FAM117B: variants seen among roughly 807,000 people sequenced by gnomAD.
The protein encoded by FAM117B is family with sequence similarity 117 member B.
Under a neutral mutation model 52.8 loss-of-function variants are expected in FAM117B, and 22 were observed. The observed-to-expected ratio is 0.42, with a 90% CI of 0.30 to 0.59. The LOEUF (loss-of-function observed/expected upper bound fraction) is 0.59. Among genes scored for constraint, FAM117B ranks in the 20% least tolerant of loss-of-function variants. The pLI is 0.22. For missense variants in FAM117B, 678 were observed against 802.6 expected, an observed-to-expected ratio of 0.84 and a Z score of 1.88; for synonymous variants, 309 against 324.1, an observed-to-expected ratio of 0.95 and a Z score of 0.50.
At position 202,644,061 on chromosome 2, in the gene FAM117B, TTTG is replaced by T. The variant is rs1395244339; in HGVS notation, c.601+8276_601+8278del. Among the ~76,000 whole-genome samples the T allele has an allele frequency of 1.1e-4, 15 of 134,530 alleles. 2 individuals carry two copies. The highest frequency in any genetic ancestry group is 4.6e-4 in the South Asian group (2 of 4,350). The allele number at this position is 134,530 out of a possible 152,430, so 88.3% of individuals were successfully genotyped here. On this transcript the variant is annotated intron_variant, in intron 1 of 7. Transcript: ENST00000392238. ...CTACTGCTTTAGGAGCTGTTTTTTT[TTTG>T]TTTTTTTTTTTTTTTTTTTTCAGTT...
At chr2:202,666,109 G>A (rs573430962) in intron 1 of FAM117B, among the ~76,000 whole-genome samples, 2 of 152,256 alleles carry the variant, frequency 1.3e-5, no homozygotes, top group South Asian at 4.1e-4. Context: ...ATTTGTGTCT[G>A]CATAGTTTGC....
chr2:202,757,994 A>T (rs1427598167), intron 6 of FAM117B, among the ~76,000 whole-genome samples: 2 of 152,250 alleles, frequency 1.3e-5, no homozygotes, highest in Non-Finnish European at 2.9e-5. Flanking sequence ...AATGTTAATT[A>T]CAAATATTCT....
In FAM117B at chr2:202,766,986, C is replaced by T. The variant is rs1373092923; in HGVS notation, c.*1222C>T. The T allele has an allele frequency of 1.3e-5, 2 of 152,494 alleles. No individual in the cohort carries two copies. Among genetic ancestry groups the T allele is most frequent in the African/African-American group, 2.4e-5 (1 of 41,378 alleles). 9.4% of individuals were successfully genotyped at this position (152,494 alleles called of 1,614,324 possible). The stretch of plus-strand genomic sequence containing the variant: ...AGATTTTGCTAATTTACCCCCCTAA[C>T]GCTTCACATAGTGGGGAAAATACAC... On this transcript the variant is annotated 3_prime_UTR_variant, in exon 8 of 8. Transcript: ENST00000392238.
At chr2:202,666,880 C>CG (rs1043547540) in intron 1 of FAM117B, among the ~76,000 whole-genome samples, 1 of 151,722 alleles carries the variant, frequency 6.6e-6, no homozygotes, top group Non-Finnish European at 1.5e-5. Flanking sequence ...CTCCTGACCT[C>CG]GTGATCCACC....
chr2:202,693,101 T>G (rs1227995299), intron 1 of FAM117B, among the ~76,000 whole-genome samples: 1 of 152,226 alleles, frequency 6.6e-6, no homozygotes, highest in Admixed American at 6.5e-5. Flanking sequence ...TCCCAAAATC[T>G]AATATAGATA....
rs541345419 is a variant in FAM117B, at chr2:202,765,581, C to G, written c.1587C>G (p.Leu529=). ...KPLLPTPDLT[L]KGSGHSLTVT... is the part of the protein sequence containing the mutation. ...TCCTTCCTACCCCGGATCTTACACT[C>G]AAGGGCTCTGGCCACAGCCTGACAG... The change falls in exon 8 of 8, where the codon CTC becomes CTG. Residue 529 remains leucine, a synonymous_variant. Coordinates refer to ENST00000392238, the MANE Select transcript of FAM117B (RefSeq NM_173511.4). 12 of 1,614,146 alleles carry G rather than the reference C, an allele frequency of 7.4e-6. No homozygotes were observed. Among genetic ancestry groups the G allele is most frequent in the Middle Eastern group, 1.6e-4 (1 of 6,062 alleles).
At chr2:202,728,507 C>G (rs994260318) in intron 4 of FAM117B, among the ~76,000 whole-genome samples, 3 of 152,188 alleles carry the variant, frequency 2.0e-5, no homozygotes, top group Non-Finnish European at 1.5e-5. Context: ...GTCTCACTCT[C>G]AAGAGGCTGA....
At chr2:202,753,648 G>A (rs528715422) in intron 4 of FAM117B, among the ~76,000 whole-genome samples, 3 of 151,242 alleles carry the variant, frequency 2.0e-5, no homozygotes, top group South Asian at 2.1e-4. Flanking sequence ...AATTTACAAG[G>A]AACTTAAACA....
At chr2:202,700,801 C>G (rs140761320) in intron 2 of FAM117B, among the ~76,000 whole-genome samples, 2 of 152,116 alleles carry the variant, frequency 1.3e-5, no homozygotes, top group Non-Finnish European at 2.9e-5. Flanking sequence ...TCAATCAGTC[C>G]TCTTGCCTCA....
intron 2 of FAM117B, among the ~76,000 whole-genome samples, chr2:202,707,000 C>T (rs1384211889): frequency 6.6e-6 from 1 of 152,112 alleles, no homozygotes; most frequent in African/African-American, 2.4e-5. Flanking sequence ...CATGTTAGAT[C>T]AAATTTCTCT....
intron 4 of FAM117B, among the ~76,000 whole-genome samples, 186 bp from the exon 5 acceptor site, chr2:202,755,352 G>T (rs762857697): frequency 5.3e-5 from 8 of 152,180 alleles, no homozygotes; most frequent in Non-Finnish European, 7.3e-5. Flanking sequence ...TACCTTCATT[G>T]TGTGGGATTT....
rs1268547485 is a variant in FAM117B at position 202,640,318 on chromosome 2, A to G, written c.601+4530A>G. ...AAAATATATATATATATATATATAT[A>G]TATATATATATATATATATATATAT... On this transcript the variant is annotated intron_variant, in intron 1 of 7. Transcript: ENST00000392238. 5.3e-4 allele frequency among the ~76,000 whole-genome samples: 59 copies of G among 112,142 alleles called. 2 individuals carry two copies. The highest frequency in any genetic ancestry group is 2.1e-3 in the African/African-American group (55 of 26,544). 73.6% of individuals were successfully genotyped at this position (112,142 alleles called of 152,430 possible).
chr2:202,676,563 A>G (rs1690382235), intron 1 of FAM117B, among the ~76,000 whole-genome samples: 1 of 151,962 alleles, frequency 6.6e-6, no homozygotes, highest in South Asian at 2.1e-4. Flanking sequence ...TGTTTTTAGT[A>G]GAGACGGGGT....
At chr2:202,740,359 CAAAAAAAAAAA>C (rs769846441) in intron 4 of FAM117B, among the ~76,000 whole-genome samples, 108 of 65,568 alleles carry the variant, frequency 1.6e-3, no homozygotes, top group Admixed American at 4.0e-3. Context: ...GACTCTGCCT[CAAAAAAAAAAA>C]AAAAAAAAAA....
rs912135139 is a variant in FAM117B, at chr2:202,759,432, T to TA, written c.1451+80dup. The TA allele has an allele frequency of 3.2e-6, 5 of 1,540,598 alleles. No homozygotes were observed. In the African/African-American group the frequency reaches 6.9e-5, roughly 21 times the overall value. On this transcript the variant is annotated intron_variant, in intron 7 of 7. Coordinates refer to ENST00000392238, the MANE Select transcript of FAM117B (RefSeq NM_173511.4). ...TGAGATAGGATCTCACTCTGTCATC[T>TA]AGGCTGGACTGCACTGATGCAGTCA...
Position 202,650,523 on chromosome 2 carries a change from A to G in FAM117B, c.601+14735A>G, listed in dbSNP as rs540384202. Among the ~76,000 whole-genome samples the G allele has an allele frequency of 1.5e-4, 23 of 152,310 alleles. No homozygotes were observed. In the South Asian group the frequency reaches 4.8e-3, roughly 32 times the overall value. On this transcript the variant is annotated intron_variant, in intron 1 of 7. Transcript: ENST00000392238. ...GAACTAATAGGATAGATGTATATAT[A>G]AAGGGGAGTTTATTAAGGAGTATTG...
At chr2:202,650,822 C>G (rs1689944282) in intron 1 of FAM117B, among the ~76,000 whole-genome samples, 1 of 152,144 alleles carries the variant, frequency 6.6e-6, no homozygotes, top group Admixed American at 6.5e-5. Context: ...CTTCCAAGAT[C>G]TTCTCCTGCC....
At chr2:202,685,708 G>A (rs1471806243) in intron 1 of FAM117B, among the ~76,000 whole-genome samples, 1 of 152,170 alleles carries the variant, frequency 6.6e-6, no homozygotes. Context: ...TCCACAAACA[G>A]TTTTGGAGCA....
At chr2:202,646,929 G>A (rs906811076) in intron 1 of FAM117B, among the ~76,000 whole-genome samples, 2 of 151,916 alleles carry the variant, frequency 1.3e-5, no homozygotes, top group Non-Finnish European at 2.9e-5. Flanking sequence ...ATGTACAAGA[G>A]GCACACCCCC....
Sources: allele counts gnomAD v4.1 joint callset (sites outside exome capture counted in the v4.1 genomes callset), GRCh38; gene constraint gnomAD v4.1.1; transcripts MANE v1.5; gene names NCBI Gene and HGNC (gene_info 2026-07-23, HGNC 2026-07-21).